Variants in SGCD observed in about 807,000 individuals in gnomAD.
The protein encoded by SGCD is sarcoglycan delta, also known as delta-sarcoglycan.
SGCD carries 18 observed loss-of-function variants against 36.6 expected under a neutral mutation model. The observed-to-expected ratio is 0.49, with a 90% CI of 0.34 to 0.73. The LOEUF (loss-of-function observed/expected upper bound fraction) is 0.73, where lower values mean the gene tolerates loss of function less well. SGCD is among the 30% of genes least tolerant of loss of function. The pLI is 0.01. For synonymous variants in SGCD, 133 were observed against 130.6 expected, an observed-to-expected ratio of 1.02 and a Z score of -0.12; for missense variants, 387 against 346.7, an observed-to-expected ratio of 1.12 and a Z score of -0.92.
chr5:156,293,629 A>G (rs572294783), intron 3 of SGCD, among the ~76,000 whole-genome samples: 3 of 152,242 alleles, frequency 2.0e-5, no homozygotes, highest in Non-Finnish European at 2.9e-5. Flanking sequence ...ATTTTACCAT[A>G]TATGTCAAGG....
chr5:156,481,433 T>C (rs755861926), intron 3 of SGCD, among the ~76,000 whole-genome samples: 1 of 152,236 alleles, frequency 6.6e-6, no homozygotes. Flanking sequence ...CTAAATCTTA[T>C]GACTTTTCAA....
intron 7 of SGCD, among the ~76,000 whole-genome samples, chr5:156,734,423 C>T (rs886775816): frequency 1.3e-5 from 2 of 152,030 alleles, no homozygotes; most frequent in Non-Finnish European, 2.9e-5. Context: ...TGAATGTTGG[C>T]CTCTCTACCT....
chr5:156,423,189 A>ATGTAATATTATATTTTAT (rs1773412936), intron 3 of SGCD, among the ~76,000 whole-genome samples: 1 of 120,290 alleles, frequency 8.3e-6, no homozygotes, highest in African/African-American at 3.4e-5. Flanking sequence ...TAATTATATA[A>ATGTAATATTATATTTTAT]TATAATATTA....
At chr5:156,634,410 G>A (rs941196541) in intron 6 of SGCD, among the ~76,000 whole-genome samples, 1 of 152,108 alleles carries the variant, frequency 6.6e-6, no homozygotes, top group African/African-American at 2.4e-5. Flanking sequence ...TCCTGCATAT[G>A]TATCCTAGAA....
At chr5:156,042,274 C>G (rs1299414709) in intron 1 of SGCD, among the ~76,000 whole-genome samples, 1 of 151,840 alleles carries the variant, frequency 6.6e-6, no homozygotes, top group Non-Finnish European at 1.5e-5. Context: ...GAAAGTGTCA[C>G]TTGGCATTTC....
At chr5:156,034,037 A>G (rs1759426279) in intron 1 of SGCD, among the ~76,000 whole-genome samples, 1 of 152,160 alleles carries the variant, frequency 6.6e-6, no homozygotes, top group African/African-American at 2.4e-5. Context: ...TTTTTCATCC[A>G]CTGCCCAGAG....
At chr5:156,080,019 G>A (rs1393164734) in intron 1 of SGCD, among the ~76,000 whole-genome samples, 2 of 152,216 alleles carry the variant, frequency 1.3e-5, no homozygotes, top group Non-Finnish European at 2.9e-5. Context: ...CAGGCTTTCT[G>A]ATACATCCTC....
intron 4 of SGCD, among the ~76,000 whole-genome samples, chr5:156,554,460 CTA>C (rs1412669251): frequency 1.3e-5 from 2 of 150,878 alleles, no homozygotes; most frequent in African/African-American, 4.9e-5. Context: ...TCATGTGTTA[CTA>C]TGCCTAATTT....
chr5:156,492,626 A>T (rs1195171616), intron 3 of SGCD, among the ~76,000 whole-genome samples: 2 of 152,184 alleles, frequency 1.3e-5, no homozygotes, highest in African/African-American at 4.8e-5. Flanking sequence ...CAGGTTTGTT[A>T]CATAGGTATA....
At chr5:156,574,943 T>C (rs935123176) in intron 4 of SGCD, among the ~76,000 whole-genome samples, 1 of 152,112 alleles carries the variant, frequency 6.6e-6, no homozygotes, top group Non-Finnish European at 1.5e-5. Flanking sequence ...AGGAAAAATA[T>C]GCAAAGAGAA....
chr5:156,155,798 T>C (rs1762944467), intron 3 of SGCD, among the ~76,000 whole-genome samples: 1 of 151,532 alleles, frequency 6.6e-6, no homozygotes, highest in African/African-American at 2.4e-5. Context: ...CTGGGAGAGT[T>C]GAGGTGTCAG....
chr5:156,621,894 A>G (rs575586073), intron 6 of SGCD, among the ~76,000 whole-genome samples: 1 of 152,206 alleles, frequency 6.6e-6, no homozygotes, highest in South Asian at 2.1e-4. Flanking sequence ...CAGGACAGAC[A>G]TCTAAGATAA....
chr5:156,739,311 C>CTAAGAGGGAAGTCAAT (rs1370268074), intron 7 of SGCD, among the ~76,000 whole-genome samples: 1 of 152,156 alleles, frequency 6.6e-6, no homozygotes, highest in Non-Finnish European at 1.5e-5. Context: ...GCAGCAGGTT[C>CTAAGAGGGAAGTCAAT]TAAGAGGGAA....
intron 1 of SGCD, among the ~76,000 whole-genome samples, chr5:155,880,469 T>C (rs949002519): frequency 6.6e-6 from 1 of 152,174 alleles, no homozygotes; most frequent in Non-Finnish European, 1.5e-5. Context: ...GAATAGTCTG[T>C]TTGAAAATTC....
At chr5:156,277,569 G>C (rs1296226881) in intron 3 of SGCD, among the ~76,000 whole-genome samples, 1 of 152,130 alleles carries the variant, frequency 6.6e-6, no homozygotes, top group Non-Finnish European at 1.5e-5. Flanking sequence ...AGAGCACTTC[G>C]ATGACAAATG....
At chr5:156,698,952 G>T (rs920839581) in intron 7 of SGCD, among the ~76,000 whole-genome samples, 1 of 151,206 alleles carries the variant, frequency 6.6e-6, no homozygotes, top group Non-Finnish European at 1.5e-5. Flanking sequence ...ACAAACCAAA[G>T]AGTTCTAAAA....
chr5:156,243,546 A>G (rs1387868763), intron 3 of SGCD, among the ~76,000 whole-genome samples: 1 of 152,192 alleles, frequency 6.6e-6, no homozygotes, highest in Non-Finnish European at 1.5e-5. Context: ...GTTATGTTTT[A>G]TATATATGTA....
chr5:156,509,967 C>T (rs1380583107), intron 4 of SGCD, among the ~76,000 whole-genome samples: 1 of 152,158 alleles, frequency 6.6e-6, no homozygotes, highest in East Asian at 1.9e-4. Context: ...AAAGTTCCCC[C>T]AAAGCACTAC....
chr5:156,576,406 G>A (rs112881066), intron 4 of SGCD, among the ~76,000 whole-genome samples: 4,719 of 152,234 alleles, frequency 0.031, 257 homozygotes, highest in African/African-American at 0.11. Flanking sequence ...TGTCTTTATA[G>A]TAGCATGATT....
Sources: allele counts gnomAD v4.1 joint callset (sites outside exome capture counted in the v4.1 genomes callset), GRCh38; gene constraint gnomAD v4.1.1; transcripts MANE v1.5; gene names NCBI Gene and HGNC (gene_info 2026-07-23, HGNC 2026-07-21).